COL4A4: variants seen among roughly 807,000 people sequenced by gnomAD.
The protein encoded by COL4A4 is collagen type IV alpha 4 chain.
COL4A4 carries 105 observed loss-of-function variants against 192.9 expected under a neutral mutation model. The observed-to-expected ratio is 0.54, with a 90% confidence interval of 0.46 to 0.64. The LOEUF (loss-of-function observed/expected upper bound fraction) is 0.64. Ranked by LOEUF, COL4A4 falls within the 30% of genes least tolerant of loss-of-function variation. The probability of loss-of-function intolerance (pLI) is 0.00; values close to 1 mark genes in which losing one functional copy is unlikely to be tolerated. For synonymous variants in COL4A4, 762 were observed against 769.9 expected, an observed-to-expected ratio of 0.99 and a Z score of 0.17; for missense variants, 1,967 against 2,169.3, an observed-to-expected ratio of 0.91 and a Z score of 1.85.
Position 227,057,544 on chromosome 2 carries a change from G to T in COL4A4, c.2440C>A (p.His814Asn). The T allele has an allele frequency of 6.2e-7, 1 of 1,614,100 alleles. No individual in the cohort carries two copies. Among genetic ancestry groups the T allele is most frequent in the African/African-American group, 1.3e-5 (1 of 75,056 alleles). The change falls in exon 29 of 48, where the codon CAT (histidine) becomes AAT (asparagine). Residue 814 changes from histidine to asparagine, a missense_variant. Physicochemically the swap from His to Asn is moderately conservative, Grantham distance 68. Transcript: ENST00000396625. ...GLKGPKGREG[H>N]AGFPGVPGPP... The stretch of plus-strand genomic sequence containing the variant: ...CCTGGGACACCTGGAAACCCAGCAT[G>T]TCCCTCTCTGCCTTTGGGACCTTTG...
At chr2:227,105,374 T>C (rs1184259926) in intron 12 of COL4A4, among the ~76,000 whole-genome samples, 1 of 151,856 alleles carries the variant, frequency 6.6e-6, no homozygotes, top group Non-Finnish European at 1.5e-5. Context: ...GTATTTTCAG[T>C]AGAGATGGGA....
At chr2:227,028,696 C>T (rs1276797124) in intron 41 of COL4A4, among the ~76,000 whole-genome samples, 7 of 149,482 alleles carry the variant, frequency 4.7e-5, no homozygotes, top group Non-Finnish European at 8.9e-5. Flanking sequence ...TGCTCCATTA[C>T]CCAGGCTGGA....
At chr2:226,994,609 C>T in the COL4A4 span, among the ~76,000 whole-genome samples, 1 of 152,258 alleles carries the variant, frequency 6.6e-6, no homozygotes, top group South Asian at 2.1e-4. Flanking sequence ...TCTACTTACC[C>T]GTATCTATCA....
At chr2:227,163,955 GGCAGGT>G (rs2065074662) in intron 1 of COL4A4, 46 bp downstream of exon 1, 1 of 152,340 alleles carries the variant, frequency 6.6e-6, no homozygotes, top group Non-Finnish European at 1.5e-5. Context: ...GCCCCTCCCA[GGCAGGT>G]GCCGGGGCCC....
chr2:227,026,549 T>C (rs2149906338), intron 42 of COL4A4, among the ~76,000 whole-genome samples: 1 of 152,188 alleles, frequency 6.6e-6, no homozygotes, highest in Non-Finnish European at 1.5e-5. Flanking sequence ...CCTCCTGTCC[T>C]ATGATACATC....
chr2:227,113,763 A>G (rs11675161), intron 8 of COL4A4, among the ~76,000 whole-genome samples: 85,267 of 152,110 alleles, frequency 0.56, 24,455 homozygotes, highest in Non-Finnish European at 0.6. Flanking sequence ...ACACATAAAC[A>G]GTGAGCTTAC....
At chr2:226,971,952 T>C in the COL4A4 span, among the ~76,000 whole-genome samples, 1 of 152,002 alleles carries the variant, frequency 6.6e-6, no homozygotes, top group African/African-American at 2.4e-5. Context: ...TGGATACATG[T>C]GCAGAACATG....
rs1188510561 is a variant in COL4A4 at position 227,123,759 on chromosome 2, C to G, written c.193-2611G>C. Among the ~76,000 whole-genome samples, 1 of 152,198 alleles carries G rather than the reference C, an allele frequency of 6.6e-6. No individual in the cohort carries two copies. The highest frequency in any genetic ancestry group is 1.5e-5 in the Non-Finnish European group (1 of 68,046). On this transcript the variant is annotated intron_variant, in intron 4 of 47. Transcript: ENST00000396625. The surrounding 1 kb of genome is among the most constrained non-coding windows in gnomAD (Gnocchi z 4.6). ...ACAGAAACAACAGGTCTGAGGAAGA[C>G]GTGTGGGACCCCAAAAGCACGTGCA...
the COL4A4 span, among the ~76,000 whole-genome samples, chr2:226,980,211 G>A: frequency 6.6e-6 from 1 of 152,110 alleles, no homozygotes; most frequent in African/African-American, 2.4e-5. Flanking sequence ...GAAAATTGAG[G>A]ATCAGTGAAT....
In COL4A4 at chr2:227,139,011, G is replaced by C. The variant is rs533468084; in HGVS notation, c.192+1150C>G. ...ATGCTGAAATTCTAACCCCCAAGGT[G>C]ATAGTAGGAGGAGATGGGGTATTTG... On this transcript the variant is annotated intron_variant, in intron 4 of 47. Coordinates refer to ENST00000396625, the MANE Select transcript of COL4A4 (RefSeq NM_000092.5). Among the ~76,000 whole-genome samples the C allele has an allele frequency of 3.8e-4, 58 of 152,338 alleles. 1 individual carries two copies. In the South Asian group the frequency reaches 0.011, roughly 29 times the overall value.
the COL4A4 span, among the ~76,000 whole-genome samples, chr2:226,990,089 A>G: frequency 3.9e-5 from 6 of 152,342 alleles, no homozygotes; most frequent in Non-Finnish European, 7.4e-5. Flanking sequence ...ATTTCACACT[A>G]TTTATAAAGA....
At chr2:226,992,291 C>G in the COL4A4 span, among the ~76,000 whole-genome samples, 4,242 of 152,286 alleles carry the variant, frequency 0.028, 184 homozygotes, top group African/African-American at 0.097. Context: ...GGGCTGACAT[C>G]AACTTTGTGA....
chr2:227,104,455 G>A (rs1233613690), intron 12 of COL4A4, among the ~76,000 whole-genome samples: 4 of 148,090 alleles, frequency 2.7e-5, no homozygotes, highest in Admixed American at 1.3e-4. Flanking sequence ...GGTGGCAGGC[G>A]CCTGTAGTCC....
chr2:227,080,546 T>C lies in COL4A4; in HGVS notation c.1700A>G (p.His567Arg), dbSNP rs2150506568. ...GDMVVSRVKGHKGERGPDGPP... is the reference protein window; with the variant it reads ...GDMVVSRVKGRKGERGPDGPP... ...CCCATCAGGACCTCTTTCTCCTTTG[T>C]GCCCTGGAAATAGAGGTCAAAAGAT... The change falls in exon 24 of 48, where the codon CAC becomes CGC. Residue 567 changes from histidine (H) to arginine (R), a missense_variant. Transcript: ENST00000396625. The C allele has an allele frequency of 3.1e-6, 5 of 1,613,674 alleles. No individual in the cohort carries two copies. In the African/African-American group the frequency reaches 6.7e-5, roughly 22 times the overall value.
the COL4A4 span, among the ~76,000 whole-genome samples, chr2:226,981,102 T>C: frequency 9.2e-5 from 14 of 152,040 alleles, no homozygotes; most frequent in Non-Finnish European, 1.9e-4. Context: ...TCACTCTGAG[T>C]AAACTATCAC....
At chr2:227,108,219 TTGTATTTATA>T (rs2060974883) in intron 12 of COL4A4, among the ~76,000 whole-genome samples, 1 of 152,136 alleles carries the variant, frequency 6.6e-6, no homozygotes, top group African/African-American at 2.4e-5. Context: ...TCATTTATAT[TTGTATTTATA>T]TGCATATTTA....
Position 227,042,258 on chromosome 2 carries a change from G to T in COL4A4, c.3398-3C>A. 6.3e-7 allele frequency: 1 copy of T among 1,587,178 alleles called. No individual in the cohort carries two copies. The highest frequency in any genetic ancestry group is 1.7e-4 in the Middle Eastern group (1 of 6,000). On this transcript the variant is annotated splice_region_variant and splice_polypyrimidine_tract_variant and intron_variant, in intron 36 of 47. Coordinates refer to ENST00000396625, the MANE Select transcript of COL4A4 (RefSeq NM_000092.5). ...CAGCCCAGGCATCCCGTGATCACCT[G>T]AGGATGACAGGGAAGTTTTGCAGAT...
intron 2 of COL4A4, among the ~76,000 whole-genome samples, chr2:227,146,638 G>A (rs1369240247): frequency 6.6e-6 from 1 of 152,106 alleles, no homozygotes; most frequent in African/African-American, 2.4e-5. Context: ...TGACTGCCAA[G>A]AACCAAGGTG....
chr2:226,973,419 G>T, the COL4A4 span, among the ~76,000 whole-genome samples: 3 of 152,350 alleles, frequency 2.0e-5, no homozygotes, highest in Middle Eastern at 3.4e-3. Context: ...TGGGAAGTGA[G>T]TGTTTGCCTG....
Sources: allele counts gnomAD v4.1 joint callset (sites outside exome capture counted in the v4.1 genomes callset), GRCh38; gene constraint gnomAD v4.1.1; non-coding constraint Gnocchi (gnomAD v3.1); transcripts MANE v1.5; gene names NCBI Gene and HGNC (gene_info 2026-07-23, HGNC 2026-07-21).